Variants in PRCC observed in about 807,000 individuals in gnomAD.
PRCC encodes proline-rich protein PRCC.
In PRCC, 10 loss-of-function variants were observed where a neutral mutation model predicts 44.0. That is an observed-to-expected ratio of 0.23 (90% CI 0.14 to 0.39). The LOEUF (loss-of-function observed/expected upper bound fraction) is 0.39. PRCC is among the 10% of genes least tolerant of loss of function. PRCC has a pLI of 1.00. For synonymous variants in PRCC, 278 were observed against 259.5 expected (o/e 1.07, Z -0.69); for missense variants, 573 against 624.7 (o/e 0.92, Z 0.88).
intron 1 of PRCC, among the ~76,000 whole-genome samples, chr1:156,771,367 G>C (rs915304330): frequency 1.3e-5 from 2 of 152,204 alleles, no homozygotes; most frequent in Admixed American, 1.3e-4. Context: ...AGAATTCTCT[G>C]ATCACAGAGT....
intron 1 of PRCC, among the ~76,000 whole-genome samples, chr1:156,778,003 TAAATC>T (rs1262787081): frequency 3.9e-5 from 6 of 152,346 alleles, no homozygotes; most frequent in South Asian, 2.1e-4. Context: ...GTAGAATAAT[TAAATC>T]AAACTAACAT....
chr1:156,791,309 C>T (rs573425921), intron 3 of PRCC: 15 of 554,210 alleles, frequency 2.7e-5, no homozygotes, highest in South Asian at 2.3e-4. Flanking sequence ...CGTCCCTGCT[C>T]GCATCGTAGC....
chr1:156,771,650 A>G (rs1433613565), intron 1 of PRCC, among the ~76,000 whole-genome samples: 1 of 151,028 alleles, frequency 6.6e-6, no homozygotes, highest in Admixed American at 6.6e-5. Context: ...CATTTGTTGC[A>G]AGTGTTAGAA....
chr1:156,797,269 C>G lies in PRCC; in HGVS notation c.1324-7C>G, dbSNP rs1411951177. ...TGGATTAATGAATATGTTTTCTTCT[C>G]TTGCAGAAGAAAGGTGAGCAGCCAA... On this transcript the variant is annotated splice_region_variant and splice_polypyrimidine_tract_variant and intron_variant, in intron 5 of 6. Coordinates refer to ENST00000271526, the MANE Select transcript of PRCC (RefSeq NM_005973.5). 6.2e-7 allele frequency: 1 copy of G among 1,614,044 alleles called. No homozygotes were observed. The highest frequency in any genetic ancestry group is 1.3e-5 in the African/African-American group (1 of 75,034).
chr1:156,792,126 C>G (rs12752276), intron 4 of PRCC, among the ~76,000 whole-genome samples: 50,686 of 135,584 alleles, frequency 0.37, 10,152 homozygotes, highest in East Asian at 0.75. Context: ...CACTTGAACT[C>G]CTGGGCTCAA....
intron 1 of PRCC, 95 bp downstream of exon 1, chr1:156,768,334 C>A: frequency 7.8e-7 from 1 of 1,288,138 alleles, no homozygotes; most frequent in Non-Finnish European, 1.1e-6. Flanking sequence ...TTCCTACAAA[C>A]GCATCCGTGG....
intron 1 of PRCC, among the ~76,000 whole-genome samples, chr1:156,775,317 G>C (rs1403729493): frequency 6.6e-6 from 1 of 151,744 alleles, no homozygotes; most frequent in Non-Finnish European, 1.5e-5. Context: ...CAGACCCCTG[G>C]GCTCAAGTGA....
Position 156,794,760 on chromosome 1 carries a change from G to T in PRCC, c.1275G>T (p.Trp425Cys). The part of the protein sequence containing the change: ...GDDQLSGAQQ[W>C]MTKSLTEEKT... Reference sequence around the variant, plus strand: ...ACCAGCTCAGTGGGGCCCAGCAATGGATGACTAAGTCATTGACAGAAGAGA... The same window carrying T: ...ACCAGCTCAGTGGGGCCCAGCAATGTATGACTAAGTCATTGACAGAAGAGA... The change falls in exon 5 of 7, where the codon TGG becomes TGT. Residue 425 changes from tryptophan to cysteine, a missense_variant. Trp to Cys is a radical substitution (Grantham distance 215). Coordinates refer to ENST00000271526, the MANE Select transcript of PRCC (RefSeq NM_005973.5). 6.2e-7 allele frequency: 1 copy of T among 1,614,190 alleles called. No homozygotes were observed. Among genetic ancestry groups the T allele is most frequent in the Non-Finnish European group, 8.5e-7 (1 of 1,180,022 alleles).
Position 156,787,186 on chromosome 1 carries a change from G to A in PRCC, c.1083+12G>A. On this transcript the variant is annotated intron_variant, in intron 3 of 6. Coordinates refer to ENST00000271526, the MANE Select transcript of PRCC (RefSeq NM_005973.5). Reference sequence around the variant, plus strand: ...GTGCTTATTATCAGGTGGGTAGGAGGCACAGAGGGCAGGCGAGGGAATGTT... The same window carrying A: ...GTGCTTATTATCAGGTGGGTAGGAGACACAGAGGGCAGGCGAGGGAATGTT... The A allele has an allele frequency of 6.3e-7, 1 of 1,585,798 alleles. No individual in the cohort carries two copies. Among genetic ancestry groups the A allele is most frequent in the Non-Finnish European group, 8.6e-7 (1 of 1,161,400 alleles).
chr1:156,783,390 A>G (rs1348565463), intron 2 of PRCC, among the ~76,000 whole-genome samples: 1 of 152,156 alleles, frequency 6.6e-6, no homozygotes, highest in Non-Finnish European at 1.5e-5. Context: ...TTGGTGATTT[A>G]TACATTCTAA....
chr1:156,788,823 C>T (rs780977886), intron 3 of PRCC, among the ~76,000 whole-genome samples: 4 of 151,658 alleles, frequency 2.6e-5, no homozygotes, highest in Admixed American at 6.6e-5. Context: ...CACCATGACC[C>T]GCTAATTTCT....
intron 1 of PRCC, among the ~76,000 whole-genome samples, chr1:156,772,112 G>A (rs1651658869): frequency 2.0e-5 from 3 of 152,266 alleles, no homozygotes; most frequent in South Asian, 4.1e-4. Flanking sequence ...GCCTGCCTCA[G>A]CCTCCCAAAG....
chr1:156,775,435 T>C (rs1005297001), intron 1 of PRCC, among the ~76,000 whole-genome samples: 1 of 151,706 alleles, frequency 6.6e-6, no homozygotes, highest in African/African-American at 2.4e-5. Flanking sequence ...ACTTCAGCCT[T>C]GGCCTCCTTG....
At chr1:156,790,210 G>C (rs1259311567) in intron 3 of PRCC, among the ~76,000 whole-genome samples, 1 of 152,270 alleles carries the variant, frequency 6.6e-6, no homozygotes, top group East Asian at 1.9e-4. Flanking sequence ...TGGAGAACCT[G>C]TTCTGACCAA....
chr1:156,791,477 T>A, intron 3 of PRCC: 1 of 569,752 alleles, frequency 1.8e-6, no homozygotes, highest in Non-Finnish European at 3.1e-6. Context: ...AATATCCATC[T>A]GTCTGGATAG....
rs1289581315 is a variant in PRCC at position 156,782,261 on chromosome 1, CT to C, written c.469-19del. 3 of 1,586,718 alleles carry C rather than the reference CT, an allele frequency of 1.9e-6. No homozygotes were observed. The highest frequency in any genetic ancestry group is 2.6e-6 in the Non-Finnish European group (3 of 1,156,158). On this transcript the variant is annotated intron_variant, in intron 1 of 6. Coordinates refer to ENST00000271526, the MANE Select transcript of PRCC (RefSeq NM_005973.5). ...ACTGTCCTAAAACAGTGAGGCCTTA[CT>C]TCATTTCTTTTTCTCTTAGTCAGAT...
At chr1:156,779,116 ATATATATATATATTTTTTTTTTTTTT>A (rs1380911735) in intron 1 of PRCC, among the ~76,000 whole-genome samples, 6 of 18,706 alleles carry the variant, frequency 3.2e-4, no homozygotes, top group African/African-American at 1.5e-3. Context: ...ATATATATAT[ATATATATATATATTTTTTTTTTTTTT>A]TTTTTTTTTT....
chr1:156,772,766 A>G (rs754210050), intron 1 of PRCC, among the ~76,000 whole-genome samples: 3 of 152,240 alleles, frequency 2.0e-5, no homozygotes, highest in Non-Finnish European at 4.4e-5. Flanking sequence ...GGATTTAGCT[A>G]AGTTTTAGCC....
chr1:156,791,013 C>A, intron 3 of PRCC: 1 of 1,083,078 alleles, frequency 9.2e-7, no homozygotes, highest in Non-Finnish European at 1.3e-6. Flanking sequence ...CTGTGGCTGC[C>A]TGACTTCACC....
Sources: gnomAD v4.1 joint callset for allele counts (sites outside exome capture counted in the v4.1 genomes callset) on GRCh38, gnomAD v4.1.1 for gene constraint, MANE v1.5 for transcripts, NCBI Gene and HGNC (gene_info 2026-07-23, HGNC 2026-07-21) for gene names.